Variants in CERKL observed in about 807,000 individuals in gnomAD.
CERKL encodes ceramide kinase-like protein.
In CERKL, 61 loss-of-function variants were observed where a neutral mutation model predicts 63.4. The observed-to-expected ratio is 0.96, with a 90% CI of 0.78 to 1.19. The LOEUF (loss-of-function observed/expected upper bound fraction) is 1.19, where lower values mean the gene tolerates loss of function less well. Among genes scored for constraint, CERKL ranks in the 50% most tolerant of loss-of-function variants. CERKL has a pLI of 0.00. For synonymous variants in CERKL, 250 were observed against 230.5 expected (o/e 1.08, Z -0.77); for missense variants, 675 against 655.5 (o/e 1.03, Z -0.33).
At chr2:181,571,568 G>C (rs10427270) in intron 3 of CERKL, among the ~76,000 whole-genome samples, 62,157 of 151,750 alleles carry the variant, frequency 0.41, 13,779 homozygotes, top group African/African-American at 0.58. Flanking sequence ...GATTGCAACA[G>C]TATGATAAAA....
intron 1 of CERKL, among the ~76,000 whole-genome samples, chr2:181,604,986 A>G (rs1394022882): frequency 1.3e-5 from 2 of 152,246 alleles, no homozygotes; most frequent in Non-Finnish European, 2.9e-5. Context: ...CCTTAAAAAA[A>G]GACTTCCAAA....
intron 10 of CERKL, among the ~76,000 whole-genome samples, chr2:181,545,397 G>A (rs563252582): frequency 3.9e-5 from 6 of 152,170 alleles, no homozygotes; most frequent in African/African-American, 1.4e-4. Flanking sequence ...AAAATTCAGA[G>A]GTGTGATTTA....
rs1438722920 is a variant in CERKL, at chr2:181,539,326, A to G, written c.1366-62T>C. On this transcript the variant is annotated intron_variant, in intron 11 of 12. Coordinates refer to ENST00000410087, the MANE Select transcript of CERKL (RefSeq NM_201548.5). ...ATCTCTAGCTACTAACGCGAATCAA[A>G]GTTCACTGAGCCCTCTCTCACAAGT... 4.9e-6 allele frequency: 5 copies of G among 1,018,874 alleles called. No homozygotes were observed. In the African/African-American group the frequency reaches 7.9e-5, roughly 16 times the overall value. The allele number at this position is 1,018,874 out of a possible 1,614,324, so 63.1% of individuals were successfully genotyped here.
intron 1 of CERKL, among the ~76,000 whole-genome samples, chr2:181,617,076 T>C (rs1686228178): frequency 6.6e-6 from 1 of 152,188 alleles, no homozygotes; most frequent in Non-Finnish European, 1.5e-5. Flanking sequence ...TGAATCAAGG[T>C]GGAGCACCAA....
intron 2 of CERKL, among the ~76,000 whole-genome samples, chr2:181,590,176 T>G (rs1684933143): frequency 6.6e-6 from 1 of 151,334 alleles, no homozygotes; most frequent in Non-Finnish European, 1.5e-5. Flanking sequence ...CTCACTCTGT[T>G]GCCCACTCTG....
intron 1 of CERKL, among the ~76,000 whole-genome samples, chr2:181,650,879 A>T (rs1282235181): frequency 3.3e-5 from 5 of 152,234 alleles, no homozygotes; most frequent in Admixed American, 6.5e-5. Flanking sequence ...AATAATTTCA[A>T]AAGATGAACA....
At chr2:181,539,950 G>A (rs1332364082) in intron 11 of CERKL, among the ~76,000 whole-genome samples, 1 of 152,186 alleles carries the variant, frequency 6.6e-6, no homozygotes, top group Non-Finnish European at 1.5e-5. Context: ...AACTTGAGCA[G>A]AAATGTATAA....
intron 3 of CERKL, among the ~76,000 whole-genome samples, chr2:181,573,536 T>C (rs1235468348): frequency 6.6e-6 from 1 of 152,086 alleles, no homozygotes; most frequent in East Asian, 1.9e-4. Context: ...TGAAAAAATA[T>C]CTGAAAAAAT....
At chr2:181,545,684 C>T (rs974040082) in intron 10 of CERKL, among the ~76,000 whole-genome samples, 1 of 152,164 alleles carries the variant, frequency 6.6e-6, no homozygotes, top group Non-Finnish European at 1.5e-5. Context: ...AAATGGTCAT[C>T]AGCACCAATA....
intron 1 of CERKL, among the ~76,000 whole-genome samples, chr2:181,653,068 T>C (rs1397132633): frequency 6.6e-6 from 1 of 152,200 alleles, no homozygotes; most frequent in African/African-American, 2.4e-5. Flanking sequence ...CCACTGTGCC[T>C]GGCCAACTTG....
intron 1 of CERKL, among the ~76,000 whole-genome samples, chr2:181,640,397 G>C (rs895377717): frequency 6.6e-6 from 1 of 152,160 alleles, no homozygotes; most frequent in Admixed American, 6.5e-5. Context: ...CATTGGCATA[G>C]TGCTTCTAAA....
In CERKL at chr2:181,604,197, C is replaced by G; in HGVS notation, c.239-118G>C. 4.0e-6 allele frequency: 3 copies of G among 757,510 alleles called. No homozygotes were observed. The South Asian group carries it at 4.9e-5, about 12-fold the overall frequency. 46.9% of individuals were successfully genotyped at this position (757,510 alleles called of 1,614,324 possible). A position where few individuals can be genotyped will look rare whatever the true frequency, so the allele number is the denominator to read the frequency against. ...AAAGGGAGAGGATCAAGAAAAATAA[C>G]TAATGGGTACTGGGCTTAATACCTG... On this transcript the variant is annotated intron_variant, in intron 1 of 12. Transcript: ENST00000410087.
intron 1 of CERKL, among the ~76,000 whole-genome samples, chr2:181,607,583 C>T (rs1260912997): frequency 6.6e-6 from 1 of 152,188 alleles, no homozygotes; most frequent in African/African-American, 2.4e-5. Flanking sequence ...GGAAACCAAA[C>T]TCAGTCACAG....
chr2:181,584,605 C>T (rs1183505423), intron 2 of CERKL, among the ~76,000 whole-genome samples: 4 of 151,882 alleles, frequency 2.6e-5, no homozygotes, highest in Non-Finnish European at 4.4e-5. Context: ...AAAGTCTAAG[C>T]ATGTCTCACC....
intron 1 of CERKL, among the ~76,000 whole-genome samples, chr2:181,605,078 A>C (rs981772125): frequency 6.6e-6 from 1 of 152,228 alleles, no homozygotes; most frequent in Non-Finnish European, 1.5e-5. Context: ...AAGATACGTG[A>C]AACAGTAGTT....
At chr2:181,561,350 C>T (rs1203698705) in intron 4 of CERKL, among the ~76,000 whole-genome samples, 4 of 150,738 alleles carry the variant, frequency 2.7e-5, no homozygotes, top group Non-Finnish European at 5.9e-5. Flanking sequence ...ACAGAGGTTG[C>T]ACTGAGCTGA....
intron 2 of CERKL, among the ~76,000 whole-genome samples, chr2:181,574,483 T>C (rs571806915): frequency 3.3e-5 from 5 of 152,222 alleles, no homozygotes; most frequent in Admixed American, 2.0e-4. Context: ...AAGAACTCTT[T>C]TGGGAATTGG....
chr2:181,638,912 T>C (rs370009750), intron 1 of CERKL, among the ~76,000 whole-genome samples: 20 of 152,060 alleles, frequency 1.3e-4, no homozygotes, highest in African/African-American at 3.9e-4. Context: ...GTGATGGCCA[T>C]CCCAGTCTGA....
At chr2:181,566,155 A>C (rs762636147) in intron 3 of CERKL, 34 bp from the exon 4 acceptor site, 1 of 1,503,442 alleles carries the variant, frequency 6.7e-7, no homozygotes, top group South Asian at 1.1e-5. Context: ...ACACAAAGTG[A>C]CAGTTTTAAA....
Sources: allele counts gnomAD v4.1 joint callset (sites outside exome capture counted in the v4.1 genomes callset), GRCh38; gene constraint gnomAD v4.1.1; transcripts MANE v1.5; gene names NCBI Gene and HGNC (gene_info 2026-07-23, HGNC 2026-07-21).